The following FHIT variants were observed in gnomAD, a reference collection of about 807,000 sequenced individuals.
FHIT encodes the protein fragile histidine triad diadenosine triphosphatase, also known as bis(5'-adenosyl)-triphosphatase.
In FHIT, 19 loss-of-function variants were observed where a neutral mutation model predicts 17.9. The observed-to-expected ratio is 1.06, with a 90% confidence interval of 0.74 to 1.56. FHIT has a LOEUF of 1.56. FHIT is among the 40% of genes most tolerant of loss of function. The pLI is 0.00. For missense variants in FHIT, 248 were observed against 189.2 expected (o/e 1.31, Z -1.82); for synonymous variants, 81 against 69.7 (o/e 1.16, Z -0.81).
At chr3:60,913,758 T>C (rs566390643) in intron 3 of FHIT, among the ~76,000 whole-genome samples, 1 of 152,320 alleles carries the variant, frequency 6.6e-6, no homozygotes, top group Admixed American at 6.5e-5. Context: ...TTCATTCACA[T>C]GCCCTTGGCT....
At chr3:61,241,161 C>G (rs1432825173) in intron 1 of FHIT, among the ~76,000 whole-genome samples, 2 of 152,120 alleles carry the variant, frequency 1.3e-5, no homozygotes, top group Admixed American at 6.5e-5. Context: ...TTTGTTTTAC[C>G]TCCCTCTTGC....
chr3:60,337,456 A>G (rs1710299519), intron 5 of FHIT, among the ~76,000 whole-genome samples: 1 of 152,178 alleles, frequency 6.6e-6, no homozygotes, highest in Non-Finnish European at 1.5e-5. Flanking sequence ...CACCATTTCT[A>G]ATTAAAGGGA....
chr3:60,767,446 C>G (rs891514323), intron 4 of FHIT, among the ~76,000 whole-genome samples: 3 of 152,100 alleles, frequency 2.0e-5, no homozygotes. Flanking sequence ...ATAAAGAAAT[C>G]AAGGTTCAGA....
At chr3:60,652,573 A>C (rs1216673378) in intron 4 of FHIT, among the ~76,000 whole-genome samples, 1 of 152,006 alleles carries the variant, frequency 6.6e-6, no homozygotes, top group African/African-American at 2.4e-5. Flanking sequence ...CTCTACTAAA[A>C]ATACAATTAG....
intron 5 of FHIT, among the ~76,000 whole-genome samples, chr3:60,364,145 G>A (rs985883039): frequency 2.0e-5 from 3 of 152,144 alleles, no homozygotes; most frequent in African/African-American, 7.2e-5. Context: ...GTCCCTCTTG[G>A]AACTCTGATA....
chr3:59,771,097 G>A (rs1424887465), intron 8 of FHIT, among the ~76,000 whole-genome samples: 1 of 152,146 alleles, frequency 6.6e-6, no homozygotes, highest in Non-Finnish European at 1.5e-5. Flanking sequence ...ATTTTCTTAG[G>A]GTGAGGGTAG....
chr3:59,938,012 A>T (rs1706326525), intron 7 of FHIT, among the ~76,000 whole-genome samples: 2 of 152,144 alleles, frequency 1.3e-5, no homozygotes, highest in South Asian at 4.1e-4. Flanking sequence ...TGCCAAGTGG[A>T]GCTGCAACTT....
chr3:60,868,684 A>T (rs577339211), intron 3 of FHIT, among the ~76,000 whole-genome samples: 1 of 152,152 alleles, frequency 6.6e-6, no homozygotes, highest in Non-Finnish European at 1.5e-5. Flanking sequence ...ATGGCGATAC[A>T]TTTTAGCTAA....
chr3:60,586,323 C>T (rs1423229913), intron 4 of FHIT, among the ~76,000 whole-genome samples: 3 of 151,958 alleles, frequency 2.0e-5, no homozygotes, highest in Non-Finnish European at 4.4e-5. Flanking sequence ...ATCATTGACT[C>T]ATCAAAATAG....
At chr3:59,792,887 T>C (rs575673106) in intron 8 of FHIT, among the ~76,000 whole-genome samples, 35 of 147,666 alleles carry the variant, frequency 2.4e-4, no homozygotes, top group African/African-American at 8.3e-4. Flanking sequence ...GGGGGGGTCA[T>C]GAACCTCCTT....
chr3:60,947,943 A>T (rs1177564496), intron 3 of FHIT, among the ~76,000 whole-genome samples: 2 of 152,192 alleles, frequency 1.3e-5, no homozygotes, highest in African/African-American at 4.8e-5. Context: ...ATTTTATTTC[A>T]ATCAAAATAT....
intron 3 of FHIT, among the ~76,000 whole-genome samples, chr3:60,907,206 A>T (rs1347069382): frequency 6.6e-6 from 1 of 152,184 alleles, no homozygotes; most frequent in African/African-American, 2.4e-5. Context: ...AGCATCACCA[A>T]AACTGGCACA....
chr3:60,411,327 T>C (rs1162279480), intron 5 of FHIT, among the ~76,000 whole-genome samples: 1 of 152,184 alleles, frequency 6.6e-6, no homozygotes, highest in African/African-American at 2.4e-5. Context: ...GAAAACAGCA[T>C]TCATTGTAGG....
chr3:61,241,479 A>G (rs907181482), intron 1 of FHIT, among the ~76,000 whole-genome samples: 3 of 152,182 alleles, frequency 2.0e-5, no homozygotes, highest in Admixed American at 1.3e-4. Context: ...GAAAATAAAA[A>G]TCTTGTTCTT....
intron 5 of FHIT, among the ~76,000 whole-genome samples, chr3:60,363,159 T>A (rs984267343): frequency 2.6e-5 from 4 of 152,114 alleles, no homozygotes; most frequent in African/African-American, 7.2e-5. Context: ...AACAAGCTCC[T>A]TTTCTTCTCT....
intron 4 of FHIT, among the ~76,000 whole-genome samples, chr3:60,821,075 A>C (rs1553739211): frequency 6.6e-6 from 1 of 151,900 alleles, no homozygotes; most frequent in East Asian, 1.9e-4. Context: ...TCCCAGGTTC[A>C]AGTGATTCTC....
chr3:60,458,299 G>A (rs1297241381), intron 5 of FHIT, among the ~76,000 whole-genome samples: 1 of 152,002 alleles, frequency 6.6e-6, no homozygotes, highest in African/African-American at 2.4e-5. Flanking sequence ...GGATGAAGGT[G>A]GAAACATCAT....
At chr3:60,564,274 T>G (rs1162761556) in intron 4 of FHIT, among the ~76,000 whole-genome samples, 2 of 152,156 alleles carry the variant, frequency 1.3e-5, no homozygotes, top group African/African-American at 4.8e-5. Flanking sequence ...GAAAAAACAT[T>G]CTTTTCCAAA....
chr3:60,748,855 T>C (rs1378212762), intron 4 of FHIT, among the ~76,000 whole-genome samples: 2 of 152,152 alleles, frequency 1.3e-5, no homozygotes, highest in South Asian at 2.1e-4. Flanking sequence ...TTATAACACC[T>C]AATACAATCT....
Sources: allele counts gnomAD v4.1 joint callset (sites outside exome capture counted in the v4.1 genomes callset), GRCh38; gene constraint gnomAD v4.1.1; transcripts MANE v1.5; gene names NCBI Gene and HGNC (gene_info 2026-07-23, HGNC 2026-07-21).